The following DYNC2H1 variants were observed in gnomAD, a reference collection of about 807,000 sequenced individuals.
The protein encoded by DYNC2H1 is dynein cytoplasmic 2 heavy chain 1.
In DYNC2H1, 410 loss-of-function variants were observed where a neutral mutation model predicts 570.0. That is an observed-to-expected ratio of 0.72 (90% confidence interval 0.66 to 0.78). DYNC2H1 has a LOEUF of 0.78. DYNC2H1 is among the 30% of genes least tolerant of loss of function. The pLI is 0.00. For synonymous variants in DYNC2H1, 1,688 were observed against 1,677.6 expected (o/e 1.01, Z -0.15); for missense variants, 4,865 against 5,046.4 (o/e 0.96, Z 1.09).
chr11:103,313,890 G>T (rs1320055335), intron 79 of DYNC2H1, among the ~76,000 whole-genome samples: 1 of 152,078 alleles, frequency 6.6e-6, no homozygotes, highest in African/African-American at 2.4e-5. Context: ...CTTGCTCAAA[G>T]AATCACACCT....
intron 82 of DYNC2H1, among the ~76,000 whole-genome samples, chr11:103,349,343 C>T (rs958389173): frequency 6.6e-6 from 1 of 151,872 alleles, no homozygotes. Context: ...ACATGTATTT[C>T]GTTGTGTATA....
chr11:103,339,642 G>A (rs1416392440), intron 82 of DYNC2H1, among the ~76,000 whole-genome samples: 1 of 143,782 alleles, frequency 7.0e-6, no homozygotes, highest in East Asian at 2.1e-4. Flanking sequence ...TGGGGGAGAG[G>A]CGATGCATGT....
Position 103,173,240 on chromosome 11 carries a change from T to C in DYNC2H1, c.5493T>C (p.Tyr1831=), listed in dbSNP as rs751494962. Residue 1831 remains tyrosine, a synonymous_variant, in exon 35 of 89, where the codon TAT becomes TAC. Coordinates refer to ENST00000375735, the MANE Select transcript of DYNC2H1 (RefSeq NM_001377.3). ...DNELIAEVIL[Y]SEGFKDAKVL... ...AGCTTATTGCAGAAGTTATTCTCTA[T>C]TCGGAAGGCTTTAAAGACGCTAAAG... 5 of 1,600,898 alleles carry C rather than the reference T, an allele frequency of 3.1e-6. No individual in the cohort carries two copies. In the African/African-American group the frequency reaches 6.8e-5, roughly 22 times the overall value.
chr11:103,444,881 A>G (rs1425819121), intron 85 of DYNC2H1, among the ~76,000 whole-genome samples: 1 of 152,214 alleles, frequency 6.6e-6, no homozygotes, highest in Non-Finnish European at 1.5e-5. Context: ...AAGGACCATT[A>G]TGTATGAGTC....
chr11:103,388,898 G>C (rs981141699), intron 83 of DYNC2H1, among the ~76,000 whole-genome samples: 1 of 152,068 alleles, frequency 6.6e-6, no homozygotes, highest in Non-Finnish European at 1.5e-5. Flanking sequence ...TGCTGGATTT[G>C]GTTTGCCAGT....
chr11:103,420,494 C>T (rs1454553820), intron 84 of DYNC2H1, among the ~76,000 whole-genome samples: 3 of 152,062 alleles, frequency 2.0e-5, no homozygotes, highest in Admixed American at 2.0e-4. Context: ...ACACGTCACT[C>T]ACAAAGGGAA....
intron 24 of DYNC2H1, 88 bp downstream of exon 24, chr11:103,154,897 T>C: frequency 1.0e-6 from 1 of 968,356 alleles, no homozygotes; most frequent in Non-Finnish European, 1.4e-6. Flanking sequence ...TTTTACTTTA[T>C]ATGTTTTTCA....
At position 103,129,447 on chromosome 11, in the gene DYNC2H1, C is replaced by T. The variant is rs558052328; in HGVS notation, c.1953+442C>T. 3.2e-4 allele frequency among the ~76,000 whole-genome samples: 48 copies of T among 152,178 alleles called. No individual in the cohort carries two copies. The highest frequency in any genetic ancestry group is 5.8e-4 in the East Asian group (3 of 5,166). ...CCTGTCATCCCAGCACTTTCGAGGC[C>T]GAGGCGGGTGGATCACCTGACATCA... On this transcript the variant is annotated intron_variant, in intron 13 of 88. Transcript: ENST00000375735. The surrounding 1 kb of genome is among the most constrained non-coding windows in gnomAD (Gnocchi z 4.1).
At chr11:103,172,436 C>G (rs1161478853) in intron 34 of DYNC2H1, among the ~76,000 whole-genome samples, 1 of 152,000 alleles carries the variant, frequency 6.6e-6, no homozygotes, top group Non-Finnish European at 1.5e-5. Context: ...CATAAACAAA[C>G]CTTCCCTGAT....
At chr11:103,240,412 G>A (rs182428052) in intron 63 of DYNC2H1, among the ~76,000 whole-genome samples, 2 of 152,082 alleles carry the variant, frequency 1.3e-5, no homozygotes, top group African/African-American at 4.8e-5. Context: ...GGATATGCAG[G>A]GTAGGCAAGG....
chr11:103,284,451 A>T (rs1001894538), intron 73 of DYNC2H1, among the ~76,000 whole-genome samples: 2 of 152,204 alleles, frequency 1.3e-5, no homozygotes, highest in African/African-American at 4.8e-5. Context: ...ACAAACTTAC[A>T]TTGTAGAGAG....
intron 83 of DYNC2H1, among the ~76,000 whole-genome samples, chr11:103,361,896 C>T (rs1377307333): frequency 6.6e-6 from 1 of 152,074 alleles, no homozygotes; most frequent in Non-Finnish European, 1.5e-5. Context: ...AGAGGTTAAA[C>T]AAAACGAGGA....
At chr11:103,288,684 T>TAAAAAAAAAAAAAAGAAAAAA (rs1866450594) in intron 75 of DYNC2H1, among the ~76,000 whole-genome samples, 2 of 27,904 alleles carry the variant, frequency 7.2e-5, no homozygotes, top group Non-Finnish European at 1.2e-4. Context: ...CCGTCTCTAC[T>TAAAAAAAAAAAAAAGAAAAAA]AAAAAAAAAA....
chr11:103,250,475 G>A (rs1266094641), intron 65 of DYNC2H1, among the ~76,000 whole-genome samples: 2 of 152,074 alleles, frequency 1.3e-5, no homozygotes, highest in African/African-American at 4.8e-5. Context: ...GTATCCAAGA[G>A]GAAGTTTTTT....
intron 35 of DYNC2H1, 141 bp downstream of exon 35, chr11:103,173,446 C>T (rs1405859920): frequency 1.1e-5 from 6 of 557,982 alleles, no homozygotes; most frequent in African/African-American, 2.0e-5. Flanking sequence ...TATAGTGTAG[C>T]TATGAAAGGC....
rs777277500 is a variant in DYNC2H1, at chr11:103,120,797, C to A, written c.1243C>A (p.Gln415Lys). 1.3e-6 allele frequency: 2 copies of A among 1,514,486 alleles called. No individual in the cohort carries two copies. Among genetic ancestry groups the A allele is most frequent in the Non-Finnish European group, 1.8e-6 (2 of 1,128,660 alleles). 93.8% of individuals were successfully genotyped at this position (1,514,486 alleles called of 1,614,324 possible). Residue 415 changes from glutamine to lysine, a missense_variant, in exon 8 of 89, where the codon CAG (glutamine) becomes AAG (lysine). Around this residue, in one of 5 missense-constraint regions of DYNC2H1, gnomAD observed 1,936 missense variants for 1,962.1 expected, o/e 0.99. Transcript: ENST00000375735. The stretch of plus-strand genomic sequence containing the variant: ...TATTTCAGAAATTCAAGACAGTCCA[C>A]AGCAGGTAAAACATTGAGATATTTC... ...NYISEIQDSP[Q>K]QLLQAFLKYK...
chr11:103,216,821 C>T (rs1436442078), intron 55 of DYNC2H1, among the ~76,000 whole-genome samples: 8 of 151,858 alleles, frequency 5.3e-5, no homozygotes, highest in African/African-American at 1.9e-4. Context: ...ATCTGTTAAA[C>T]ATGTCTTCTT....
rs186570104 is a variant in DYNC2H1 at position 103,209,315 on chromosome 11, A to G, written c.8455-561A>G. Among the ~76,000 whole-genome samples, 1 of 152,076 alleles carries G rather than the reference A, an allele frequency of 6.6e-6. No homozygotes were observed. Among genetic ancestry groups the G allele is most frequent in the East Asian group, 1.9e-4 (1 of 5,182 alleles). On this transcript the variant is annotated intron_variant, in intron 52 of 88. Coordinates refer to ENST00000375735, the MANE Select transcript of DYNC2H1 (RefSeq NM_001377.3). This position sits in a 1 kb window ranked among gnomAD's most constrained non-coding sequence, Gnocchi z 4.2. ...GTATATTCTAAAGTAGCATTCTTAT[A>G]AGGTTATCTTTACTTTAATAATAAT...
At chr11:103,148,652 T>G in intron 20 of DYNC2H1, 35 bp downstream of exon 20, 1 of 1,533,408 alleles carries the variant, frequency 6.5e-7, no homozygotes, top group Non-Finnish European at 8.8e-7. Flanking sequence ...TATTATTACT[T>G]TTTACTGCAT....
Sources: allele counts gnomAD v4.1 joint callset (sites outside exome capture counted in the v4.1 genomes callset), GRCh38; gene constraint gnomAD v4.1.1; regional missense constraint gnomAD v4.1.1; non-coding constraint Gnocchi (gnomAD v3.1); transcripts MANE v1.5; gene names NCBI Gene and HGNC (gene_info 2026-07-23, HGNC 2026-07-21).